Variants in DHX29 observed in about 807,000 individuals in gnomAD.
DHX29 encodes the protein ATP-dependent RNA helicase DHX29.
A neutral mutation model predicts 167.9 loss-of-function variants in DHX29; 79 were observed. The observed-to-expected ratio is 0.47, with a 90% CI of 0.39 to 0.57. The LOEUF is 0.57. Ranked by LOEUF, DHX29 falls within the 20% of genes least tolerant of loss-of-function variation. The pLI is 0.00. For missense variants in DHX29, 1,347 were observed against 1,593.4 expected (o/e 0.85, Z 2.63); for synonymous variants, 530 against 546.0 (o/e 0.97, Z 0.41).
At chr5:55,272,664 C>T (rs535681064) in intron 17 of DHX29, among the ~76,000 whole-genome samples, 3 of 152,092 alleles carry the variant, frequency 2.0e-5, no homozygotes, top group East Asian at 1.9e-4. Context: ...ACCCAGGAGG[C>T]GGAGGTTGCA....
At chr5:55,266,075 T>C (rs34219994) in intron 23 of DHX29, among the ~76,000 whole-genome samples, 8,953 of 151,878 alleles carry the variant, frequency 0.059, 469 homozygotes, top group African/African-American at 0.12. Context: ...TCTTGGCTCA[T>C]TGCAACCTCT....
intron 13 of DHX29, 115 bp from the exon 14 acceptor site, chr5:55,276,521 T>A: frequency 1.2e-6 from 1 of 839,460 alleles, no homozygotes. Context: ...ATTTAGAATA[T>A]TATGAAAAAA....
chr5:55,267,890 AAAAG>A (rs1396390583), intron 21 of DHX29, 68 bp from the exon 22 acceptor site: 1 of 1,212,852 alleles, frequency 8.2e-7, no homozygotes, highest in African/African-American at 1.5e-5. Context: ...GTTAACTTAT[AAAAG>A]AAAGCAAATC....
chr5:55,289,967 A>G (rs1747951090), intron 7 of DHX29, among the ~76,000 whole-genome samples: 1 of 152,236 alleles, frequency 6.6e-6, no homozygotes, highest in African/African-American at 2.4e-5. Flanking sequence ...TGATTAGAAC[A>G]TAGCCATTCA....
chr5:55,307,527 A>G lies in DHX29; in HGVS notation c.47T>C (p.Val16Ala). 1 of 1,613,476 alleles carries G rather than the reference A, an allele frequency of 6.2e-7. No individual in the cohort carries two copies. Among genetic ancestry groups the G allele is most frequent in the Non-Finnish European group, 8.5e-7 (1 of 1,179,926 alleles). ...KKHKAPAAAV[V>A]RAAVSASRAK... ...TCTGGAAGCAGACACGGCGGCCCGGACCACCGCGGCCGCTGGAGCCTTGTG... is the reference window on the plus strand; with the variant it reads ...TCTGGAAGCAGACACGGCGGCCCGGGCCACCGCGGCCGCTGGAGCCTTGTG... Residue 16 changes from valine (V) to alanine (A), a missense_variant, in exon 1 of 27, where the codon GTC becomes GCC. Physicochemically the swap from Val to Ala is moderately conservative, Grantham distance 64 (BLOSUM62 0). Coordinates refer to ENST00000251636, the MANE Select transcript of DHX29 (RefSeq NM_019030.4).
rs372402130 is a variant in DHX29 at position 55,270,733 on chromosome 5, T to C, written c.2865-27A>G. The C allele has an allele frequency of 1.3e-4, 200 of 1,581,532 alleles. No individual in the cohort carries two copies. In the African/African-American group the frequency reaches 2.1e-3, roughly 17 times the overall value. ...TAAAGAAATGTTTTAGGAGAGAATA[T>C]GTAGATAATTGACTTAAGTCAAAAT... On this transcript the variant is annotated intron_variant, in intron 18 of 26. Coordinates refer to ENST00000251636, the MANE Select transcript of DHX29 (RefSeq NM_019030.4).
At chr5:55,272,302 A>G (rs1746892345) in intron 17 of DHX29, 127 bp from the exon 18 acceptor site, 2 of 642,440 alleles carry the variant, frequency 3.1e-6, no homozygotes, top group Non-Finnish European at 2.7e-6. Flanking sequence ...AAAATTTACA[A>G]TCTATTTGCT....
At chr5:55,302,121 G>C (rs529284338) in intron 1 of DHX29, among the ~76,000 whole-genome samples, 2 of 152,230 alleles carry the variant, frequency 1.3e-5, no homozygotes, top group East Asian at 3.9e-4. Context: ...TTATCGTCTA[G>C]TCTCAAACTT....
chr5:55,298,703 A>G, intron 1 of DHX29, 39 bp from the exon 2 acceptor site: 1 of 986,842 alleles, frequency 1.0e-6, no homozygotes, highest in Non-Finnish European at 1.6e-6. Flanking sequence ...AATGATTAAT[A>G]TCTATTACAT....
intron 6 of DHX29, among the ~76,000 whole-genome samples, chr5:55,292,702 CTA>C (rs1357214062): frequency 1.3e-5 from 2 of 152,134 alleles, no homozygotes; most frequent in African/African-American, 4.8e-5. Flanking sequence ...CATCTTATCT[CTA>C]TATATGCTCA....
At chr5:55,263,530 T>C (rs1163599791) in intron 23 of DHX29, among the ~76,000 whole-genome samples, 2 of 151,936 alleles carry the variant, frequency 1.3e-5, no homozygotes, top group African/African-American at 4.8e-5. Flanking sequence ...TGTTTACCTT[T>C]AGGATATCCT....
rs1277609438 is a variant in DHX29, at chr5:55,277,405, G to A, written c.2110-123C>T. On this transcript the variant is annotated intron_variant, in intron 12 of 26. Coordinates refer to ENST00000251636, the MANE Select transcript of DHX29 (RefSeq NM_019030.4). The stretch of plus-strand genomic sequence containing the variant: ...CAATATCTAAGTACAGTCAGTACAT[G>A]TGCGGGGAGGGAGAAGCTGTAAGTT... The A allele has an allele frequency of 1.1e-5, 6 of 557,854 alleles. No homozygotes were observed. In the African/African-American group the frequency reaches 1.1e-4, roughly 11 times the overall value. 34.6% of individuals were successfully genotyped at this position (557,854 alleles called of 1,614,324 possible). A position where few individuals can be genotyped will look rare whatever the true frequency, so the allele number is the denominator to read the frequency against.
At chr5:55,275,228 T>G (rs1019013876) in intron 14 of DHX29, among the ~76,000 whole-genome samples, 1 of 152,192 alleles carries the variant, frequency 6.6e-6, no homozygotes, top group Non-Finnish European at 1.5e-5. Context: ...CATCCAGCCC[T>G]TAGGTATAGC....
At position 55,281,551 on chromosome 5, in the gene DHX29, A is replaced by G. The variant is rs370731561; in HGVS notation, c.1966-36T>C. On this transcript the variant is annotated intron_variant, in intron 11 of 26. Coordinates refer to ENST00000251636, the MANE Select transcript of DHX29 (RefSeq NM_019030.4). ...AACATAAGGCCTTGATTAGATTCTC[A>G]TGAGTAATATGGGAAACAAGCTTTA... 1.5e-5 allele frequency: 22 copies of G among 1,457,518 alleles called. No individual in the cohort carries two copies. The African/African-American group carries it at 2.3e-4, about 15-fold the overall frequency. 90.3% of individuals were successfully genotyped at this position (1,457,518 alleles called of 1,614,324 possible).
chr5:55,270,534 C>G, intron 19 of DHX29, 44 bp downstream of exon 19: 1 of 1,613,406 alleles, frequency 6.2e-7, no homozygotes, highest in Non-Finnish European at 8.5e-7. Flanking sequence ...AAATGTCACA[C>G]AATACTGGTT....
intron 9 of DHX29, 130 bp from the exon 10 acceptor site, chr5:55,285,546 T>C: frequency 8.1e-7 from 1 of 1,234,642 alleles, no homozygotes; most frequent in South Asian, 1.6e-5. Flanking sequence ...CATTATTAGA[T>C]AATGATAATC....
chr5:55,270,447 G>T lies in DHX29; in HGVS notation c.3034C>A (p.Arg1012Ser). 1 of 1,612,340 alleles carries T rather than the reference G, an allele frequency of 6.2e-7. No individual in the cohort carries two copies. Among genetic ancestry groups the T allele is most frequent in the Non-Finnish European group, 8.5e-7 (1 of 1,179,450 alleles). Residue 1012 changes from arginine to serine, a missense_variant, in exon 20 of 27, where the codon CGT becomes AGT. By Grantham distance (110) the Arg-to-Ser change is moderately radical (BLOSUM62 -1). This residue lies in a region of DHX29 where 882 missense variants were observed against 1,082.4 expected (regional missense o/e 0.81). Coordinates refer to ENST00000251636, the MANE Select transcript of DHX29 (RefSeq NM_019030.4). ...FMDYSVPEIL[R>S]VPLEELCLHI... is the part of the protein sequence containing the mutation. ...AGGCATAATTCCTCCAAAGGTACAC[G>T]TAAGATTTCAGGAACAGAATAATCC... is the stretch of plus-strand genomic sequence containing the variant.
At chr5:55,274,832 A>C in intron 15 of DHX29, 34 bp downstream of exon 15, 1 of 1,592,740 alleles carries the variant, frequency 6.3e-7, no homozygotes, top group Non-Finnish European at 8.5e-7. Context: ...GTTTTATCAA[A>C]TCAAATGGAG....
chr5:55,271,397 G>A (rs1273887384), intron 18 of DHX29, among the ~76,000 whole-genome samples: 2 of 152,220 alleles, frequency 1.3e-5, no homozygotes, highest in Admixed American at 6.5e-5. Flanking sequence ...TTGGAAGGCC[G>A]AGGCAGGCAG....
Sources: gnomAD v4.1 joint callset for allele counts (sites outside exome capture counted in the v4.1 genomes callset) on GRCh38, gnomAD v4.1.1 for gene constraint, gnomAD v4.1.1 regional missense constraint, MANE v1.5 for transcripts, NCBI Gene and HGNC (gene_info 2026-07-23, HGNC 2026-07-21) for gene names.